The following COPG2 variants were observed in gnomAD, a reference collection of about 807,000 sequenced individuals.
The protein encoded by COPG2 is coatomer subunit gamma-2.
COPG2 carries 37 observed loss-of-function variants against 46.3 expected under a neutral mutation model. The observed-to-expected ratio is 0.80, with a 90% CI of 0.61 to 1.05. The LOEUF (loss-of-function observed/expected upper bound fraction) is 1.05, where lower values mean the gene tolerates loss of function less well. COPG2 is among the 50% of genes least tolerant of loss of function. The pLI is 0.00. For missense variants in COPG2, 427 were observed against 387.8 expected, an observed-to-expected ratio of 1.10 and a Z score of -0.85; for synonymous variants, 159 against 129.7, an observed-to-expected ratio of 1.23 and a Z score of -1.53.
chr7:130,528,693 A>ATGGGAGAGGAGGACAGAGGAGAGG (rs1799796925), intron 20 of COPG2, among the ~76,000 whole-genome samples: 2 of 151,382 alleles, frequency 1.3e-5, no homozygotes, highest in South Asian at 2.1e-4. Flanking sequence ...TTTGCAACAC[A>ATGGGAGAGGAGGACAGAGGAGAGG]TGGGAGAGGA....
chr7:130,590,856 T>C (rs1168705861), intron 9 of COPG2, among the ~76,000 whole-genome samples: 10 of 151,596 alleles, frequency 6.6e-5, no homozygotes, highest in Non-Finnish European at 1.3e-4. Context: ...GGAGCGTCTC[T>C]GCCCAGCCGC....
chr7:130,616,660 CTA>C (rs1194570004), intron 6 of COPG2, among the ~76,000 whole-genome samples: 1 of 152,184 alleles, frequency 6.6e-6, no homozygotes, highest in Non-Finnish European at 1.5e-5. Flanking sequence ...TGGTGTCTAC[CTA>C]TAAGCTTCAC....
At chr7:130,511,447 C>A in intron 20 of COPG2, 1 of 520,062 alleles carries the variant, frequency 1.9e-6, no homozygotes, top group South Asian at 1.4e-5. Flanking sequence ...CAATACACAC[C>A]TACCTGGAAA....
chr7:130,616,893 T>C, intron 6 of COPG2, 97 bp downstream of exon 6: 1 of 726,902 alleles, frequency 1.4e-6, no homozygotes, highest in South Asian at 2.0e-5. Flanking sequence ...TACTGAAAAT[T>C]CACAAAGTCA....
At chr7:130,576,979 G>C (rs1794009889) in intron 9 of COPG2, among the ~76,000 whole-genome samples, 1 of 152,120 alleles carries the variant, frequency 6.6e-6, no homozygotes. Flanking sequence ...AACCTACAAT[G>C]AACATCTTTA....
At chr7:130,632,002 C>T (rs559554109) in intron 5 of COPG2, among the ~76,000 whole-genome samples, 2 of 152,262 alleles carry the variant, frequency 1.3e-5, no homozygotes, top group South Asian at 4.2e-4. Context: ...CACTGGAAAT[C>T]GAATTCTGGA....
intron 20 of COPG2, among the ~76,000 whole-genome samples, chr7:130,537,221 A>G (rs1344444036): frequency 6.6e-6 from 1 of 151,930 alleles, no homozygotes; most frequent in African/African-American, 2.4e-5. Context: ...AGTGTGAAAG[A>G]AAGGATGAGA....
At chr7:130,622,510 C>G (rs1416234023) in intron 5 of COPG2, among the ~76,000 whole-genome samples, 2 of 152,146 alleles carry the variant, frequency 1.3e-5, no homozygotes, top group African/African-American at 4.8e-5. Context: ...CTTTCCATCC[C>G]TCAAATTTGT....
At chr7:130,512,701 C>T (rs1048921566) in intron 20 of COPG2, among the ~76,000 whole-genome samples, 14 of 151,896 alleles carry the variant, frequency 9.2e-5, no homozygotes, top group East Asian at 1.9e-4. Context: ...GCCAAAATCA[C>T]GCCACTGCAC....
Position 130,579,857 on chromosome 7 carries a change from A to G in COPG2, c.738-15464T>C, listed in dbSNP as rs1178226150. 3.3e-5 allele frequency among the ~76,000 whole-genome samples: 5 copies of G among 152,294 alleles called. No individual in the cohort carries two copies. In the East Asian group the frequency reaches 7.7e-4, roughly 24 times the overall value. On this transcript the variant is annotated intron_variant, in intron 9 of 23. Coordinates refer to ENST00000425248, the MANE Select transcript of COPG2 (RefSeq NM_012133.6). ...CAGATTCATAAAGCAAGTCCTGAGTAACCTAAAAAGAGACTTAGACTCCCA... is the reference window on the plus strand; with the variant it reads ...CAGATTCATAAAGCAAGTCCTGAGTGACCTAAAAAGAGACTTAGACTCCCA...
chr7:130,537,115 A>C (rs1799887906), intron 20 of COPG2, among the ~76,000 whole-genome samples: 1 of 152,064 alleles, frequency 6.6e-6, no homozygotes, highest in African/African-American at 2.4e-5. Flanking sequence ...ATGGGCAGAA[A>C]GTGGGACACG....
At chr7:130,577,841 G>T (rs1411941827) in intron 9 of COPG2, among the ~76,000 whole-genome samples, 2 of 152,066 alleles carry the variant, frequency 1.3e-5, no homozygotes, top group South Asian at 2.1e-4. Flanking sequence ...TGGCTCGGAG[G>T]GTCCTACGCC....
chr7:130,611,146 A>G (rs1794841795), intron 8 of COPG2, 36 bp from the exon 9 acceptor site: 1 of 1,565,588 alleles, frequency 6.4e-7, no homozygotes, highest in Admixed American at 1.8e-5. Flanking sequence ...CACATGGATT[A>G]GAAAGATGTC....
At chr7:130,648,529 G>A (rs987940077) in intron 5 of COPG2, among the ~76,000 whole-genome samples, 5 of 152,136 alleles carry the variant, frequency 3.3e-5, no homozygotes, top group African/African-American at 1.2e-4. Flanking sequence ...TCCATCCTGA[G>A]GCAAAATTCC....
In COPG2 at chr7:130,544,169, A is replaced by C. The variant is rs1006748690; in HGVS notation, c.2149+3505T>G. 1.1e-4 allele frequency among the ~76,000 whole-genome samples: 17 copies of C among 152,324 alleles called. No homozygotes were observed. In the East Asian group the frequency reaches 2.5e-3, roughly 22 times the overall value. On this transcript the variant is annotated intron_variant, in intron 20 of 23. Transcript: ENST00000425248. ...AAGAATGCAAAGCTTCACTGAGCCT[A>C]ATAATATGGATCCCAGTGGGTGAGT... is the stretch of plus-strand genomic sequence containing the variant.
intron 20 of COPG2, among the ~76,000 whole-genome samples, chr7:130,524,210 G>A (rs1799753211): frequency 6.6e-6 from 1 of 152,100 alleles, no homozygotes; most frequent in South Asian, 2.1e-4. Context: ...CAGAGCAGGT[G>A]GATTCAGTGC....
At chr7:130,643,375 T>C (rs1795529539) in intron 5 of COPG2, among the ~76,000 whole-genome samples, 1 of 152,180 alleles carries the variant, frequency 6.6e-6, no homozygotes. Flanking sequence ...TTTAAAGTGA[T>C]GATACCAGTC....
intron 10 of COPG2, among the ~76,000 whole-genome samples, chr7:130,563,767 AAAAAAAG>A (rs1369358907): frequency 9.2e-6 from 1 of 108,478 alleles, no homozygotes; most frequent in Non-Finnish European, 1.7e-5. Flanking sequence ...AAAAAAAAAA[AAAAAAAG>A]AAAAAAAAAA....
At chr7:130,665,073 C>A (rs555540130) in intron 3 of COPG2, among the ~76,000 whole-genome samples, 7 of 116,128 alleles carry the variant, frequency 6.0e-5, no homozygotes, top group Admixed American at 2.8e-4. Flanking sequence ...CCCAGCTACT[C>A]AGGAGGCTAA....
Sources: allele counts gnomAD v4.1 joint callset (sites outside exome capture counted in the v4.1 genomes callset), GRCh38; gene constraint gnomAD v4.1.1; transcripts MANE v1.5; gene names NCBI Gene and HGNC (gene_info 2026-07-23, HGNC 2026-07-21).